CASZ1: variants seen among roughly 807,000 people sequenced by gnomAD.
The protein encoded by CASZ1 is castor zinc finger 1.
A neutral mutation model predicts 135.2 loss-of-function variants in CASZ1; 28 were observed. The ratio of observed to expected loss-of-function variants is 0.21; its 90% CI spans 0.15 to 0.28. CASZ1 has a LOEUF of 0.28. Ranked by LOEUF, CASZ1 falls within the 10% of genes least tolerant of loss-of-function variation. The pLI is 1.00. For synonymous variants in CASZ1, 1,068 were observed against 1,073.4 expected (o/e 0.99, Z 0.10); for missense variants, 2,161 against 2,453.3 (o/e 0.88, Z 2.52).
chr1:10,741,292 G>A lies in CASZ1; in HGVS notation c.-77+19409C>T, dbSNP rs1639917443. Among the ~76,000 whole-genome samples the A allele has an allele frequency of 6.6e-6, 1 of 152,182 alleles. No homozygotes were observed. The highest frequency in any genetic ancestry group is 1.5e-5 in the Non-Finnish European group (1 of 68,036). On this transcript the variant is annotated intron_variant, in intron 2 of 20. Transcript: ENST00000377022. This position sits in a 1 kb window ranked among gnomAD's most constrained non-coding sequence, Gnocchi z 5.0. ...GCCACTGCGCCTGGCTCTATATTGG[G>A]CTTTAAACGACATGAGGGCAGGGAC...
Position 10,650,707 on chromosome 1 carries a change from G to A in CASZ1, c.2865C>T (p.Ser955=). 1 of 1,613,880 alleles carries A rather than the reference G, an allele frequency of 6.2e-7. No homozygotes were observed. Among genetic ancestry groups the A allele is most frequent in the Non-Finnish European group, 8.5e-7 (1 of 1,179,714 alleles). ...HAVPANSSLL[S]SLMNKMSQGN... is the part of the protein sequence containing the mutation. ...TGGCTCTTACCTTATTCATAAGCGA[G>A]GATAAAAGAGATGAATTTGCCGGGA... is the stretch of plus-strand genomic sequence containing the variant. The change falls in exon 13 of 21, where the codon TCC becomes TCT. Residue 955 remains serine (S), a synonymous_variant. Transcript: ENST00000377022.
In CASZ1 at chr1:10,660,486, G is replaced by A. The variant is rs757360410; in HGVS notation, c.556C>T (p.Leu186Phe). 1.2e-6 allele frequency: 2 copies of A among 1,614,048 alleles called. No individual in the cohort carries two copies. The highest frequency in any genetic ancestry group is 1.7e-6 in the Non-Finnish European group (2 of 1,180,004). ...DYAASTMTEF[L>F]GMFGYDDQNT... Reference sequence around the variant, plus strand: ...TGGTCATCATAGCCAAACATGCCGAGGAACTCGGTCATGGTGGAGGCCGCG... The same window carrying A: ...TGGTCATCATAGCCAAACATGCCGAAGAACTCGGTCATGGTGGAGGCCGCG... The change falls in exon 6 of 21, where the codon CTC becomes TTC. Residue 186 changes from leucine (L) to phenylalanine (F), a missense_variant. By Grantham distance (22) the Leu-to-Phe change is conservative. Coordinates refer to ENST00000377022, the MANE Select transcript of CASZ1 (RefSeq NM_001079843.3).
chr1:10,715,119 C>A (rs565674090), intron 2 of CASZ1, among the ~76,000 whole-genome samples: 6 of 152,336 alleles, frequency 3.9e-5, no homozygotes, highest in African/African-American at 1.4e-4. Flanking sequence ...GTCAGCCCAC[C>A]CTGGCCTCCG....
In CASZ1 at chr1:10,653,667, G is replaced by A. The variant is rs1209489798; in HGVS notation, c.2390C>T (p.Thr797Ile). The change falls in exon 11 of 21, where the codon ACC becomes ATC. Residue 797 changes from threonine to isoleucine, a missense_variant. By Grantham distance (89) the Thr-to-Ile change is moderately conservative (BLOSUM62 -1). This residue lies in a region of CASZ1 where 406 missense variants were observed against 387.6 expected (regional missense o/e 1.05). Transcript: ENST00000377022. Reference protein sequence around the residue: ...ALALSNSGLPTPTPYFPILAG... With the variant: ...ALALSNSGLPIPTPYFPILAG... Reference sequence around the variant, plus strand: ...CAGTATGGGGAAGTAGGGCGTGGGGGTGGGCAGGCCCGAGTTGGAGAGGGC... The same window carrying A: ...CAGTATGGGGAAGTAGGGCGTGGGGATGGGCAGGCCCGAGTTGGAGAGGGC... The A allele has an allele frequency of 6.4e-7, 1 of 1,558,034 alleles. No individual in the cohort carries two copies. Among genetic ancestry groups the A allele is most frequent in the Admixed American group, 1.9e-5 (1 of 53,800 alleles).
chr1:10,660,505 G>T lies in CASZ1; in HGVS notation c.537C>A (p.Ala179=). The part of the protein sequence containing the change: ...GEASSLRDYA[A]STMTEFLGMF... Reference sequence around the variant, plus strand: ...TGCCGAGGAACTCGGTCATGGTGGAGGCCGCGTAGTCCCGCAGCGAGGAGG... The same window carrying T: ...TGCCGAGGAACTCGGTCATGGTGGATGCCGCGTAGTCCCGCAGCGAGGAGG... The change falls in exon 6 of 21, where the codon GCC becomes GCA. Residue 179 remains alanine (A), a synonymous_variant. Transcript: ENST00000377022. The T allele has an allele frequency of 6.2e-7, 1 of 1,613,726 alleles. No homozygotes were observed. Among genetic ancestry groups the T allele is most frequent in the South Asian group, 1.1e-5 (1 of 91,064 alleles).
rs535857511 is a variant in CASZ1 at position 10,690,680 on chromosome 1, C to CCG, written c.16+3193_16+3194insCG. ...GGCAGCACTGTCCCTCACCGGCACCCCCTGCAGTCCGTGGCCATCCCTTTA... is the reference window on the plus strand; with the variant it reads ...GGCAGCACTGTCCCTCACCGGCACCCCGCCTGCAGTCCGTGGCCATCCCTTTA... On this transcript the variant is annotated intron_variant, in intron 4 of 20. Transcript: ENST00000377022. 5.9e-5 allele frequency among the ~76,000 whole-genome samples: 9 copies of CCG among 152,322 alleles called. No homozygotes were observed. The South Asian group carries it at 1.9e-3, about 32-fold the overall frequency.
At position 10,767,738 on chromosome 1, in the gene CASZ1, A is replaced by G. The variant is rs1640502067; in HGVS notation, c.-233-6881T>C. 6.6e-6 allele frequency among the ~76,000 whole-genome samples: 1 copy of G among 152,184 alleles called. No individual in the cohort carries two copies. Among genetic ancestry groups the G allele is most frequent in the East Asian group, 1.9e-4 (1 of 5,196 alleles). On this transcript the variant is annotated intron_variant, in intron 1 of 20. Coordinates refer to ENST00000377022, the MANE Select transcript of CASZ1 (RefSeq NM_001079843.3). The surrounding 1 kb of genome is among the most constrained non-coding windows in gnomAD (Gnocchi z 4.2). ...GTAATGAAAATCTGAGCCATATTTTATGACCCACTGCAAGCAGAAAGGGCC... is the reference window on the plus strand; with the variant it reads ...GTAATGAAAATCTGAGCCATATTTTGTGACCCACTGCAAGCAGAAAGGGCC...
intron 4 of CASZ1, 120 bp downstream of exon 4, chr1:10,693,754 C>T: frequency 1.3e-6 from 1 of 767,544 alleles, no homozygotes. Context: ...AGGCAGCCGC[C>T]CGACCCTCCC....
chr1:10,780,512 T>C (rs180699564), intron 1 of CASZ1, among the ~76,000 whole-genome samples: 83 of 152,198 alleles, frequency 5.5e-4, no homozygotes, highest in Middle Eastern at 6.8e-3. Flanking sequence ...TCATCCAAAG[T>C]CTCAATCAAA....
rs79958693 is a variant in CASZ1, at chr1:10,775,642, G to A, written c.-233-14785C>T. ...TCTTCAGCCCCTTTCAAGGGGACGGGTGTGAACGGGAGCAGAGCAGTTGGT... is the reference window on the plus strand; with the variant it reads ...TCTTCAGCCCCTTTCAAGGGGACGGATGTGAACGGGAGCAGAGCAGTTGGT... On this transcript the variant is annotated intron_variant, in intron 1 of 20. Coordinates refer to ENST00000377022, the MANE Select transcript of CASZ1 (RefSeq NM_001079843.3). Among the ~76,000 whole-genome samples the A allele has an allele frequency of 1.6e-3, 248 of 152,284 alleles. 10 individuals carry two copies. The East Asian group carries it at 0.043, about 27-fold the overall frequency.
At chr1:10,681,987 C>T (rs1417770736) in intron 4 of CASZ1, among the ~76,000 whole-genome samples, 2 of 152,242 alleles carry the variant, frequency 1.3e-5, no homozygotes, top group Non-Finnish European at 2.9e-5. Flanking sequence ...TGGCCAGTCC[C>T]TTTCTGAATA....
chr1:10,650,296 C>T (rs1019014440), intron 13 of CASZ1: 5 of 152,626 alleles, frequency 3.3e-5, no homozygotes, highest in African/African-American at 9.7e-5. Flanking sequence ...ATTACTCAAC[C>T]GGAAAAGTGG....
chr1:10,769,942 G>A (rs934224745), intron 1 of CASZ1, among the ~76,000 whole-genome samples: 14 of 152,304 alleles, frequency 9.2e-5, no homozygotes, highest in Admixed American at 5.2e-4. Context: ...TGACAGATGG[G>A]GAAACTGAGG....
At position 10,744,836 on chromosome 1, in the gene CASZ1, G is replaced by A. The variant is rs149808853; in HGVS notation, c.-77+15865C>T. 1.1e-4 allele frequency among the ~76,000 whole-genome samples: 16 copies of A among 152,268 alleles called. No individual in the cohort carries two copies. The East Asian group carries it at 1.4e-3, about 13-fold the overall frequency. ...TCTTATTTAAAGAGCTGCCTGGCAC[G>A]CAGGAGAGCCGTGACCTCACCAGAG... is the stretch of plus-strand genomic sequence containing the variant. On this transcript the variant is annotated intron_variant, in intron 2 of 20. Transcript: ENST00000377022.
At chr1:10,766,805 G>T (rs1048799626) in intron 1 of CASZ1, among the ~76,000 whole-genome samples, 2 of 152,180 alleles carry the variant, frequency 1.3e-5, no homozygotes, top group Non-Finnish European at 2.9e-5. Flanking sequence ...TCTATAACCT[G>T]CAATGAAGTA....
rs1331034640 is a variant in CASZ1, at chr1:10,720,639, G to A, written c.-76-15095C>T. On this transcript the variant is annotated intron_variant, in intron 2 of 20. Coordinates refer to ENST00000377022, the MANE Select transcript of CASZ1 (RefSeq NM_001079843.3). The surrounding 1 kb of genome is among the most constrained non-coding windows in gnomAD (Gnocchi z 5.7). The stretch of plus-strand genomic sequence containing the variant: ...CTAATATGGGCCCAGCAGCTTTCTG[G>A]GTTATTTCGAGTACATGTGATAATG... Among the ~76,000 whole-genome samples the A allele has an allele frequency of 6.6e-6, 1 of 152,178 alleles. No homozygotes were observed. The highest frequency in any genetic ancestry group is 2.4e-5 in the African/African-American group (1 of 41,430).
chr1:10,675,434 A>G (rs941766348), intron 4 of CASZ1, among the ~76,000 whole-genome samples: 1 of 151,996 alleles, frequency 6.6e-6, no homozygotes, highest in Non-Finnish European at 1.5e-5. Context: ...CAGTGCGAGC[A>G]GGCGGGGTGG....
At chr1:10,786,991 T>C (rs1640871044) in intron 1 of CASZ1, among the ~76,000 whole-genome samples, 1 of 152,138 alleles carries the variant, frequency 6.6e-6, no homozygotes, top group Non-Finnish European at 1.5e-5. Flanking sequence ...CCATATGACA[T>C]AAAAACCGGC....
chr1:10,779,813 T>C (rs1393070756), intron 1 of CASZ1, among the ~76,000 whole-genome samples: 1 of 152,214 alleles, frequency 6.6e-6, no homozygotes, highest in Non-Finnish European at 1.5e-5. Flanking sequence ...ATTTATTCCG[T>C]CGTGATATTC....
Sources: allele counts gnomAD v4.1 joint callset (sites outside exome capture counted in the v4.1 genomes callset), GRCh38; gene constraint gnomAD v4.1.1; regional missense constraint gnomAD v4.1.1; non-coding constraint Gnocchi (gnomAD v3.1); transcripts MANE v1.5; gene names NCBI Gene and HGNC (gene_info 2026-07-23, HGNC 2026-07-21).